The following SNTG2 variants were observed in gnomAD, a reference collection of about 807,000 sequenced individuals.
SNTG2 encodes gamma-2-syntrophin.
In SNTG2, 74 loss-of-function variants were observed where a neutral mutation model predicts 70.9. The observed-to-expected ratio is 1.04, with a 90% CI of 0.86 to 1.27. The LOEUF is 1.27. SNTG2 is among the 50% of genes most tolerant of loss of function. The pLI is 0.00. For missense variants in SNTG2, 717 were observed against 690.7 expected (o/e 1.04, Z -0.43); for synonymous variants, 278 against 273.8 (o/e 1.02, Z -0.15).
intron 9 of SNTG2, among the ~76,000 whole-genome samples, chr2:1,225,828 T>G (rs1019732035): frequency 1.3e-5 from 2 of 152,210 alleles, no homozygotes; most frequent in Non-Finnish European, 2.9e-5. Context: ...CACCAGGTCT[T>G]TCTCATCTTT....
At chr2:1,257,925 A>G (rs1678214012) in intron 12 of SNTG2, among the ~76,000 whole-genome samples, 1 of 152,248 alleles carries the variant, frequency 6.6e-6, no homozygotes, top group Non-Finnish European at 1.5e-5. Flanking sequence ...AAACTTGGGA[A>G]GATGTCTCTG....
intron 1 of SNTG2, among the ~76,000 whole-genome samples, chr2:990,294 G>A (rs906241241): frequency 5.3e-5 from 8 of 152,312 alleles, no homozygotes; most frequent in Admixed American, 1.3e-4. Context: ...CAGAGGAGGA[G>A]CTCCACCAGA....
chr2:964,321 C>G (rs1044382667), intron 1 of SNTG2, among the ~76,000 whole-genome samples: 1 of 152,144 alleles, frequency 6.6e-6, no homozygotes, highest in African/African-American at 2.4e-5. Context: ...ATGAGGGAGC[C>G]CTTCCTGTCC....
intron 1 of SNTG2, among the ~76,000 whole-genome samples, chr2:974,462 G>C (rs899003617): frequency 2.6e-5 from 4 of 152,130 alleles, no homozygotes; most frequent in Non-Finnish European, 5.9e-5. Flanking sequence ...TTGACCCTGG[G>C]GTGAGCGTTA....
intron 1 of SNTG2, among the ~76,000 whole-genome samples, chr2:982,740 C>T (rs1002230539): frequency 1.1e-4 from 16 of 152,214 alleles, no homozygotes; most frequent in Admixed American, 8.5e-4. Context: ...CTTGTGCTCA[C>T]TCAGCACCTC....
intron 12 of SNTG2, among the ~76,000 whole-genome samples, chr2:1,248,769 T>G (rs1436116771): frequency 6.6e-6 from 1 of 152,132 alleles, no homozygotes; most frequent in Non-Finnish European, 1.5e-5. Context: ...CCACTGACAC[T>G]GGAGATGCAT....
At chr2:1,188,157 T>G (rs1672360257) in intron 8 of SNTG2, among the ~76,000 whole-genome samples, 1 of 152,134 alleles carries the variant, frequency 6.6e-6, no homozygotes, top group Non-Finnish European at 1.5e-5. Flanking sequence ...CAGAATGAGG[T>G]GAGTGGATGT....
At chr2:1,120,290 A>G (rs1667299704) in intron 4 of SNTG2, among the ~76,000 whole-genome samples, 1 of 152,196 alleles carries the variant, frequency 6.6e-6, no homozygotes, top group African/African-American at 2.4e-5. Context: ...TACTTTGAAT[A>G]TTACAAACAA....
chr2:966,925 C>T (rs986951496), intron 1 of SNTG2, among the ~76,000 whole-genome samples: 8 of 151,622 alleles, frequency 5.3e-5, no homozygotes, highest in East Asian at 1.9e-4. Context: ...CCAGCCTGGG[C>T]GACAGAGCAA....
chr2:983,191 CT>C (rs1661175373), intron 1 of SNTG2, among the ~76,000 whole-genome samples: 1 of 110,130 alleles, frequency 9.1e-6, no homozygotes, highest in African/African-American at 3.4e-5. Flanking sequence ...TTAGCAGAAG[CT>C]GCAGAGGTGG....
At chr2:1,190,830 A>G (rs1233311024) in intron 8 of SNTG2, among the ~76,000 whole-genome samples, 1 of 151,990 alleles carries the variant, frequency 6.6e-6, no homozygotes, top group Non-Finnish European at 1.5e-5. Context: ...CACGATGTGT[A>G]TTGATGTGTA....
chr2:1,065,905 C>T (rs1218869167), intron 1 of SNTG2, among the ~76,000 whole-genome samples: 1 of 151,970 alleles, frequency 6.6e-6, no homozygotes, highest in East Asian at 1.9e-4. Context: ...TTTTTGTTGC[C>T]AAATGAAGAT....
At chr2:1,181,710 C>CG (rs398090082) in intron 8 of SNTG2, among the ~76,000 whole-genome samples, 1 of 72,530 alleles carries the variant, frequency 1.4e-5, no homozygotes, top group East Asian at 1.6e-3. Flanking sequence ...TTACTAACTA[C>CG]TGCTTTCCTA....
chr2:1,178,025 C>A (rs544627853), intron 8 of SNTG2, among the ~76,000 whole-genome samples: 1 of 152,150 alleles, frequency 6.6e-6, no homozygotes, highest in South Asian at 2.1e-4. Flanking sequence ...ATAAACACTT[C>A]TGGCATGATA....
intron 16 of SNTG2, among the ~76,000 whole-genome samples, chr2:1,319,255 G>T (rs1407369265): frequency 6.6e-6 from 1 of 152,200 alleles, no homozygotes; most frequent in African/African-American, 2.4e-5. Flanking sequence ...TCCATCGTGG[G>T]TTGGTGGAAA....
At chr2:1,308,767 A>G (rs955685180) in intron 15 of SNTG2, among the ~76,000 whole-genome samples, 181 bp downstream of exon 15, 4 of 152,202 alleles carry the variant, frequency 2.6e-5, no homozygotes, top group African/African-American at 9.6e-5. Context: ...GATCGCCACA[A>G]GCCCTGAGGG....
chr2:1,215,394 A>T (rs1674311989), intron 9 of SNTG2, among the ~76,000 whole-genome samples: 1 of 151,994 alleles, frequency 6.6e-6, no homozygotes, highest in Non-Finnish European at 1.5e-5. Flanking sequence ...AAGATTTATT[A>T]TTTTTGTTAA....
rs543936726 is a variant in SNTG2 at position 1,026,960 on chromosome 2, G to A, written c.73-56558G>A. On this transcript the variant is annotated intron_variant, in intron 1 of 16. Coordinates refer to ENST00000308624, the MANE Select transcript of SNTG2 (RefSeq NM_018968.4). ...TCCTTGGCTTAGTATCTGCATAGCAGACAGAGTGGTTCTTCCACAGTAACT... is the reference window on the plus strand; with the variant it reads ...TCCTTGGCTTAGTATCTGCATAGCAAACAGAGTGGTTCTTCCACAGTAACT... 7.2e-5 allele frequency among the ~76,000 whole-genome samples: 11 copies of A among 152,314 alleles called. No homozygotes were observed. In the South Asian group the frequency reaches 1.9e-3, roughly 26 times the overall value.
At chr2:1,148,995 A>G (rs886762654) in intron 6 of SNTG2, among the ~76,000 whole-genome samples, 13 of 152,092 alleles carry the variant, frequency 8.5e-5, no homozygotes, top group Non-Finnish European at 1.2e-4. Context: ...AAAATAACAA[A>G]CAGTGACTGT....
Sources: allele counts gnomAD v4.1 joint callset (sites outside exome capture counted in the v4.1 genomes callset), GRCh38; gene constraint gnomAD v4.1.1; transcripts MANE v1.5; gene names NCBI Gene and HGNC (gene_info 2026-07-23, HGNC 2026-07-21).